Variants in PROS1 observed in about 807,000 individuals in gnomAD.
The protein encoded by PROS1 is protein S.
In PROS1, 29 loss-of-function variants were observed where a neutral mutation model predicts 75.9. The observed-to-expected ratio is 0.38, with a 90% CI of 0.28 to 0.52. PROS1 has a LOEUF of 0.52. Among genes scored for constraint, PROS1 ranks in the 20% least tolerant of loss-of-function variants. The pLI is 0.83. For synonymous variants in PROS1, 245 were observed against 280.6 expected, an observed-to-expected ratio of 0.87 and a Z score of 1.27; for missense variants, 680 against 810.3, an observed-to-expected ratio of 0.84 and a Z score of 1.95.
intron 1 of PROS1, among the ~76,000 whole-genome samples, chr3:93,959,121 G>A (rs778625846): frequency 2.6e-5 from 4 of 152,112 alleles, no homozygotes; most frequent in East Asian, 3.9e-4. Flanking sequence ...AGAAGGATCC[G>A]TTGAGCTCAG....
At chr3:93,969,528 C>T (rs1709842741) in intron 1 of PROS1, among the ~76,000 whole-genome samples, 1 of 152,132 alleles carries the variant, frequency 6.6e-6, no homozygotes, top group Non-Finnish European at 1.5e-5. Context: ...CCAGGCTAAG[C>T]CAAAATGATC....
At chr3:93,903,049 T>C (rs1048747468) in intron 6 of PROS1, among the ~76,000 whole-genome samples, 7 of 152,064 alleles carry the variant, frequency 4.6e-5, no homozygotes, top group African/African-American at 9.7e-5. Context: ...GTATTTTTAG[T>C]AGAGACGGGG....
chr3:93,910,757 C>A, intron 3 of PROS1, 52 bp from the exon 4 acceptor site: 1 of 1,437,434 alleles, frequency 7.0e-7, no homozygotes, highest in South Asian at 1.2e-5. Context: ...CATACTTGAT[C>A]TGAATTCATG....
At chr3:93,906,469 C>G (rs1411825005) in intron 4 of PROS1, among the ~76,000 whole-genome samples, 1 of 152,222 alleles carries the variant, frequency 6.6e-6, no homozygotes, top group African/African-American at 2.4e-5. Flanking sequence ...GCTGCTGCAG[C>G]TTTCCTGTCG....
At chr3:93,923,903 CAA>C (rs11445254) in intron 3 of PROS1, among the ~76,000 whole-genome samples, 4 of 112,196 alleles carry the variant, frequency 3.6e-5, no homozygotes, top group Non-Finnish European at 2.0e-5. Flanking sequence ...CGCTGCCTCA[CAA>C]AAAAAAAAAA....
At chr3:93,899,425 A>C (rs1708552175) in intron 7 of PROS1, among the ~76,000 whole-genome samples, 1 of 152,152 alleles carries the variant, frequency 6.6e-6, no homozygotes, top group African/African-American at 2.4e-5. Context: ...AATAATCCTT[A>C]GTATTAAAAT....
intron 1 of PROS1, among the ~76,000 whole-genome samples, chr3:93,952,094 G>A (rs1709508473): frequency 6.6e-6 from 1 of 152,146 alleles, no homozygotes; most frequent in Non-Finnish European, 1.5e-5. Flanking sequence ...AGTCCTTAGA[G>A]ACCTAGAAAG....
chr3:93,919,265 A>G (rs1400234585), intron 3 of PROS1, among the ~76,000 whole-genome samples: 2 of 152,186 alleles, frequency 1.3e-5, no homozygotes, highest in Non-Finnish European at 2.9e-5. Context: ...TCACCAGTGG[A>G]GTATAAGGAT....
Position 93,893,465 on chromosome 3 carries a change from T to C in PROS1, c.966-343A>G, listed in dbSNP as rs1708460849. On this transcript the variant is annotated intron_variant, in intron 9 of 14. Coordinates refer to ENST00000394236, the MANE Select transcript of PROS1 (RefSeq NM_000313.4). ...ACACAGGTATAAGTATCAGGCATAC[T>C]ATATCTCTCCTGGAGCCTTTTATAC... Among the ~76,000 whole-genome samples the C allele has an allele frequency of 2.6e-5, 4 of 152,238 alleles. No homozygotes were observed. In the South Asian group the frequency reaches 8.3e-4, roughly 31 times the overall value.
At chr3:93,900,752 G>T in intron 7 of PROS1, 52 bp downstream of exon 7, 1 of 1,609,450 alleles carries the variant, frequency 6.2e-7, no homozygotes, top group South Asian at 1.1e-5. Flanking sequence ...TATCAGTTCA[G>T]GGTTCACACC....
intron 1 of PROS1, among the ~76,000 whole-genome samples, chr3:93,967,649 G>T (rs185432820): frequency 4.1e-3 from 625 of 152,310 alleles, no homozygotes; most frequent in Non-Finnish European, 6.8e-3. Context: ...ACTTTGGGAA[G>T]CTGAGGCCAG....
chr3:93,897,199 GA>G (rs1441080235), intron 8 of PROS1, among the ~76,000 whole-genome samples: 1 of 151,996 alleles, frequency 6.6e-6, no homozygotes, highest in Non-Finnish European at 1.5e-5. Flanking sequence ...GGGAATACTG[GA>G]AAACATGAAG....
At chr3:93,887,640 T>A (rs1355266383) in intron 10 of PROS1, among the ~76,000 whole-genome samples, 1 of 152,214 alleles carries the variant, frequency 6.6e-6, no homozygotes, top group Non-Finnish European at 1.5e-5. Flanking sequence ...TATAGCCAAT[T>A]AGCAGCATGT....
chr3:93,934,548 T>C (rs2107214732), intron 1 of PROS1, among the ~76,000 whole-genome samples: 1 of 152,386 alleles, frequency 6.6e-6, no homozygotes, highest in Middle Eastern at 3.4e-3. Context: ...TGTAATGAAC[T>C]GTATCTAGGT....
intron 1 of PROS1, among the ~76,000 whole-genome samples, chr3:93,954,315 A>T (rs923988265): frequency 6.6e-6 from 1 of 152,218 alleles, no homozygotes; most frequent in Non-Finnish European, 1.5e-5. Flanking sequence ...TTGCTACCTC[A>T]CTTCAAACTA....
intron 1 of PROS1, among the ~76,000 whole-genome samples, chr3:93,942,959 G>T (rs551315449): frequency 1.3e-5 from 2 of 152,156 alleles, no homozygotes; most frequent in Non-Finnish European, 2.9e-5. Context: ...CTTGGTCTGG[G>T]TAGACACTTT....
chr3:93,965,297 C>T (rs570735810), intron 1 of PROS1, among the ~76,000 whole-genome samples: 20 of 152,346 alleles, frequency 1.3e-4, no homozygotes, highest in Admixed American at 3.3e-4. Flanking sequence ...TTGCCGCCGT[C>T]GCAGACCCGC....
intron 3 of PROS1, among the ~76,000 whole-genome samples, chr3:93,913,096 A>AG (rs1708784203): frequency 6.6e-6 from 1 of 152,182 alleles, no homozygotes; most frequent in African/African-American, 2.4e-5. Context: ...TAATTGAATC[A>AG]GGGGGGCGAT....
chr3:93,916,867 G>A (rs561077407), intron 3 of PROS1, among the ~76,000 whole-genome samples: 27 of 152,140 alleles, frequency 1.8e-4, no homozygotes, highest in Admixed American at 7.2e-4. Flanking sequence ...TCCTTTTGCC[G>A]CTTTCTATAG....
Sources: allele counts gnomAD v4.1 joint callset (sites outside exome capture counted in the v4.1 genomes callset), GRCh38; gene constraint gnomAD v4.1.1; transcripts MANE v1.5; gene names NCBI Gene and HGNC (gene_info 2026-07-23, HGNC 2026-07-21).